The following TMTC2 variants were observed in gnomAD, a reference collection of about 807,000 sequenced individuals.
TMTC2 encodes the protein protein O-mannosyl-transferase TMTC2.
Under a neutral mutation model 82.4 loss-of-function variants are expected in TMTC2, and 43 were observed. The observed-to-expected ratio is 0.52, with a 90% CI of 0.41 to 0.67. TMTC2 has a LOEUF of 0.67. Among genes scored for constraint, TMTC2 ranks in the 30% least tolerant of loss-of-function variants. The pLI is 0.00. For missense variants in TMTC2, 919 were observed against 1,012.4 expected (o/e 0.91, Z 1.25); for synonymous variants, 408 against 381.9 (o/e 1.07, Z -0.80).
intron 1 of TMTC2, among the ~76,000 whole-genome samples, chr12:82,830,678 A>T (rs1031359607): frequency 6.6e-6 from 1 of 152,184 alleles, no homozygotes; most frequent in Non-Finnish European, 1.5e-5. Flanking sequence ...ATACATATGA[A>T]GTAAAATATT....
intron 1 of TMTC2, among the ~76,000 whole-genome samples, chr12:82,853,718 G>A (rs1298812323): frequency 6.6e-6 from 1 of 152,184 alleles, no homozygotes; most frequent in Non-Finnish European, 1.5e-5. Flanking sequence ...AACAAAGCGT[G>A]CCTCACAGTT....
chr12:83,127,407 C>T (rs1885128095), intron 11 of TMTC2, among the ~76,000 whole-genome samples: 1 of 151,972 alleles, frequency 6.6e-6, no homozygotes, highest in Non-Finnish European at 1.5e-5. Flanking sequence ...GTTGATTATC[C>T]TTCATAAAAC....
intron 1 of TMTC2, among the ~76,000 whole-genome samples, chr12:82,815,214 T>A (rs1165954450): frequency 6.6e-6 from 1 of 151,422 alleles, no homozygotes; most frequent in Non-Finnish European, 1.5e-5. Context: ...CCAGGCTGGA[T>A]GGAGTGCATT....
chr12:83,051,849 T>C (rs2137458230), intron 10 of TMTC2, among the ~76,000 whole-genome samples: 1 of 152,222 alleles, frequency 6.6e-6, no homozygotes, highest in East Asian at 1.9e-4. Context: ...TAAGGCCAGA[T>C]TATCAGGTTT....
chr12:82,869,914 G>A (rs1205600504), intron 2 of TMTC2, among the ~76,000 whole-genome samples: 1 of 151,808 alleles, frequency 6.6e-6, no homozygotes, highest in Non-Finnish European at 1.5e-5. Context: ...TTAGGCCCAC[G>A]ATTAGTTGAG....
At chr12:83,121,240 A>G (rs182452387) in intron 11 of TMTC2, among the ~76,000 whole-genome samples, 161 of 152,264 alleles carry the variant, frequency 1.1e-3, no homozygotes, top group African/African-American at 3.7e-3. Context: ...GTTTTGTCAT[A>G]TTACCAGAAT....
chr12:83,045,767 G>A (rs983005600), intron 9 of TMTC2, among the ~76,000 whole-genome samples: 5 of 75,750 alleles, frequency 6.6e-5, no homozygotes, highest in African/African-American at 1.3e-4. Flanking sequence ...AGTGTCTGGC[G>A]ACCATCAGGA....
At chr12:83,020,168 G>A (rs1254372356) in intron 8 of TMTC2, among the ~76,000 whole-genome samples, 3 of 152,170 alleles carry the variant, frequency 2.0e-5, no homozygotes, top group Admixed American at 6.5e-5. Context: ...GATTGTGTTT[G>A]TCATACTCTT....
intron 2 of TMTC2, among the ~76,000 whole-genome samples, chr12:82,890,107 A>G (rs368163206): frequency 8.5e-5 from 13 of 152,248 alleles, no homozygotes; most frequent in South Asian, 2.1e-4. Flanking sequence ...TGTGAAGTCT[A>G]TCTCTTTAGT....
chr12:82,989,355 A>G (rs757690072), intron 8 of TMTC2, among the ~76,000 whole-genome samples: 2 of 152,156 alleles, frequency 1.3e-5, no homozygotes, highest in Non-Finnish European at 2.9e-5. Context: ...TGCTATTTAC[A>G]GATACTTCTA....
chr12:82,903,015 C>T (rs1396599327), intron 3 of TMTC2, among the ~76,000 whole-genome samples: 1 of 152,202 alleles, frequency 6.6e-6, no homozygotes, highest in East Asian at 1.9e-4. Flanking sequence ...CCTTACTCCA[C>T]ACCAGCCCTG....
intron 1 of TMTC2, among the ~76,000 whole-genome samples, chr12:82,851,476 G>A (rs773253053): frequency 2.0e-5 from 3 of 152,104 alleles, no homozygotes; most frequent in Non-Finnish European, 4.4e-5. Context: ...ACATTATATT[G>A]CATGTAATCA....
intron 1 of TMTC2, among the ~76,000 whole-genome samples, chr12:82,782,981 T>A (rs781778792): frequency 6.6e-6 from 1 of 152,164 alleles, no homozygotes; most frequent in Non-Finnish European, 1.5e-5. Context: ...AAATATAATG[T>A]TGACAAGCTA....
chr12:83,109,790 A>G (rs1420542685), intron 11 of TMTC2, among the ~76,000 whole-genome samples: 1 of 152,196 alleles, frequency 6.6e-6, no homozygotes, highest in Non-Finnish European at 1.5e-5. Context: ...GCAAAAATCA[A>G]CACCCAGTTA....
intron 1 of TMTC2, among the ~76,000 whole-genome samples, chr12:82,796,486 T>C (rs924734525): frequency 6.6e-6 from 1 of 152,142 alleles, no homozygotes; most frequent in African/African-American, 2.4e-5. Flanking sequence ...GCATTTTAAC[T>C]TACACAACAG....
In TMTC2 at chr12:82,735,973, A is replaced by T. The variant is rs1320418697; in HGVS notation, c.83+48304A>T. ...AGGTGACAGTGCGAGACTCCGTCACACACACACACACACACACACACACAC... is the reference window on the plus strand; with the variant it reads ...AGGTGACAGTGCGAGACTCCGTCACTCACACACACACACACACACACACAC... On this transcript the variant is annotated intron_variant, in intron 1 of 11. Transcript: ENST00000321196. Among the ~76,000 whole-genome samples, 26 of 14,848 alleles carry T rather than the reference A, an allele frequency of 1.8e-3. 1 individual carries two copies. The highest frequency in any genetic ancestry group is 0.012 in the South Asian group (7 of 590). The allele number at this position is 14,848 out of a possible 152,430, so 9.7% of individuals were successfully genotyped here.
At chr12:83,061,045 G>C (rs1882721992) in intron 10 of TMTC2, among the ~76,000 whole-genome samples, 1 of 151,740 alleles carries the variant, frequency 6.6e-6, no homozygotes, top group African/African-American at 2.4e-5. Context: ...CAGTGGCCCA[G>C]AAGTGAGATA....
intron 4 of TMTC2, among the ~76,000 whole-genome samples, chr12:82,934,986 C>T (rs1455884894): frequency 6.6e-6 from 1 of 151,770 alleles, no homozygotes; most frequent in African/African-American, 2.4e-5. Context: ...GGGAAAAAAG[C>T]CTCAATATAT....
intron 3 of TMTC2, among the ~76,000 whole-genome samples, chr12:82,925,514 T>C (rs1011410872): frequency 2.6e-5 from 4 of 152,228 alleles, no homozygotes; most frequent in Non-Finnish European, 4.4e-5. Flanking sequence ...AGATATTGCA[T>C]ATGTTTTTTT....
Sources: gnomAD v4.1 joint callset for allele counts (sites outside exome capture counted in the v4.1 genomes callset) on GRCh38, gnomAD v4.1.1 for gene constraint, MANE v1.5 for transcripts, NCBI Gene and HGNC (gene_info 2026-07-23, HGNC 2026-07-21) for gene names.